Variants in C2CD5 observed in about 807,000 individuals in gnomAD.
The protein encoded by C2CD5 is C2 calcium dependent domain containing 5, also known as C2 domain-containing protein 5.
C2CD5 carries 109 observed loss-of-function variants against 130.3 expected under a neutral mutation model. That is an observed-to-expected ratio of 0.84 (90% CI 0.72 to 0.98). C2CD5 has a LOEUF of 0.98. Among genes scored for constraint, C2CD5 ranks in the 50% least tolerant of loss-of-function variants. The probability of loss-of-function intolerance (pLI) is 0.00; values close to 1 mark genes in which losing one functional copy is unlikely to be tolerated. For synonymous variants in C2CD5, 454 were observed against 429.2 expected, an observed-to-expected ratio of 1.06 and a Z score of -0.71; for missense variants, 996 against 1,261.8, an observed-to-expected ratio of 0.79 and a Z score of 3.19.
intron 20 of C2CD5, 40 bp from the exon 21 acceptor site, chr12:22,470,951 C>G: frequency 7.3e-7 from 1 of 1,364,136 alleles, no homozygotes; most frequent in Non-Finnish European, 1.0e-6. Flanking sequence ...AAAATAATCA[C>G]TGCCAAAACT....
rs930898040 is a variant in C2CD5 at position 22,487,041 on chromosome 12, T to G, written c.1359-2153A>C. On this transcript the variant is annotated intron_variant, in intron 12 of 26. Transcript: ENST00000446597. Reference sequence around the variant, plus strand: ...AATTGGATCCCTTCCTTACACCTTATACAAAAATTAATTTAAGATGGATTA... The same window carrying G: ...AATTGGATCCCTTCCTTACACCTTAGACAAAAATTAATTTAAGATGGATTA... Among the ~76,000 whole-genome samples, 13 of 152,260 alleles carry G rather than the reference T, an allele frequency of 8.5e-5. 1 individual carries two copies. In the South Asian group the frequency reaches 2.3e-3, roughly 27 times the overall value.
intron 9 of C2CD5, among the ~76,000 whole-genome samples, chr12:22,512,192 A>G (rs1472782674): frequency 6.6e-6 from 1 of 152,218 alleles, no homozygotes; most frequent in Non-Finnish European, 1.5e-5. Context: ...TTCTCTAGGT[A>G]AACAGTGCAT....
intron 22 of C2CD5, among the ~76,000 whole-genome samples, chr12:22,469,366 T>G (rs192162092): frequency 3.7e-4 from 57 of 152,240 alleles, no homozygotes; most frequent in African/African-American, 1.2e-3. Flanking sequence ...GTTTAATTGT[T>G]GCTGGAAAAA....
Position 22,524,488 on chromosome 12 carries a change from GA to G in C2CD5, c.584del (p.Leu195ProfsTer4). On this transcript the variant is annotated frameshift_variant, in exon 6 of 27. Coordinates refer to ENST00000446597, the MANE Select transcript of C2CD5 (RefSeq NM_001286176.2). LOFTEE classifies it high-confidence loss of function. The part of the protein sequence containing the change: ...PRASNEARQR[L>X]ISLMSGELQR... ...TTTAAATACCTGACATTAACGAAAT[GA>G]GTCTCTGTCTGGCCTCATTTGATGC... 1 of 1,613,404 alleles carries G rather than the reference GA, an allele frequency of 6.2e-7. No homozygotes were observed. Among genetic ancestry groups the G allele is most frequent in the East Asian group, 2.2e-5 (1 of 44,870 alleles).
chr12:22,510,437 T>C (rs1055292590), intron 9 of C2CD5, among the ~76,000 whole-genome samples: 1 of 152,202 alleles, frequency 6.6e-6, no homozygotes. Flanking sequence ...ACAGGTTAGT[T>C]GAAAAATCAT....
intron 15 of C2CD5, among the ~76,000 whole-genome samples, chr12:22,476,354 G>A (rs1943835814): frequency 6.6e-6 from 1 of 152,072 alleles, no homozygotes; most frequent in Non-Finnish European, 1.5e-5. Flanking sequence ...AATGCTGAGA[G>A]ATTATGCTAA....
intron 12 of C2CD5, among the ~76,000 whole-genome samples, chr12:22,489,657 T>C (rs1946081538): frequency 6.6e-6 from 1 of 152,130 alleles, no homozygotes; most frequent in Non-Finnish European, 1.5e-5. Flanking sequence ...ACCAATTCCC[T>C]ATGGACACGG....
Position 22,471,985 on chromosome 12 carries a change from G to C in C2CD5, c.2250C>G (p.Leu750=), listed in dbSNP as rs774557724. The part of the protein sequence containing the change: ...NQALNKNFND[L]CENLLKSLYF... ...TTCCTACCTTGAGCAAATTTTCACAGAGATCATTAAAGTTCTTATTGAGAG... is the reference window on the plus strand; with the variant it reads ...TTCCTACCTTGAGCAAATTTTCACACAGATCATTAAAGTTCTTATTGAGAG... The change falls in exon 19 of 27, where the codon CTC becomes CTG. Residue 750 remains leucine (L), a synonymous_variant. Coordinates refer to ENST00000446597, the MANE Select transcript of C2CD5 (RefSeq NM_001286176.2). 6.2e-7 allele frequency: 1 copy of C among 1,603,572 alleles called. No individual in the cohort carries two copies. Among genetic ancestry groups the C allele is most frequent in the Non-Finnish European group, 8.5e-7 (1 of 1,171,110 alleles).
intron 24 of C2CD5, among the ~76,000 whole-genome samples, chr12:22,458,208 C>T (rs79582882): frequency 0.021 from 3,152 of 152,210 alleles, 116 homozygotes; most frequent in African/African-American, 0.069. Flanking sequence ...TGGCAATTTA[C>T]TTCCAATTAG....
At chr12:22,464,091 A>T (rs1279627726) in intron 22 of C2CD5, among the ~76,000 whole-genome samples, 3 of 152,192 alleles carry the variant, frequency 2.0e-5, no homozygotes, top group African/African-American at 4.8e-5. Flanking sequence ...ATACTCAAAT[A>T]TTGATGAATT....
In C2CD5 at chr12:22,448,646, C is replaced by A. The variant is rs921989125; in HGVS notation, c.*1114G>T. The A allele has an allele frequency of 8.5e-5, 13 of 152,308 alleles. No individual in the cohort carries two copies. The highest frequency in any genetic ancestry group is 3.1e-4 in the African/African-American group (13 of 41,374). 9.4% of individuals were successfully genotyped at this position (152,308 alleles called of 1,614,324 possible). A position where few individuals can be genotyped will look rare whatever the true frequency, so the allele number is the denominator to read the frequency against. ...TAAACAAAATACAGAAAAATATTGACACCTGTGATAACAAGGAAATGACTC... is the reference window on the plus strand; with the variant it reads ...TAAACAAAATACAGAAAAATATTGAAACCTGTGATAACAAGGAAATGACTC... On this transcript the variant is annotated 3_prime_UTR_variant, in exon 27 of 27. Coordinates refer to ENST00000446597, the MANE Select transcript of C2CD5 (RefSeq NM_001286176.2).
At chr12:22,540,812 T>A (rs1952300231) in intron 2 of C2CD5, among the ~76,000 whole-genome samples, 2 of 152,150 alleles carry the variant, frequency 1.3e-5, no homozygotes, top group Non-Finnish European at 2.9e-5. Context: ...TGAGCCAAGA[T>A]CGTGCCACTA....
chr12:22,509,049 TGTATTTTTTTA>T (rs1389785168), intron 9 of C2CD5, among the ~76,000 whole-genome samples: 1 of 151,696 alleles, frequency 6.6e-6, no homozygotes, highest in Non-Finnish European at 1.5e-5. Context: ...GCTAATTTTT[TGTATTTTTTTA>T]GTAGAGACGG....
chr12:22,503,246 A>C (rs745498780), intron 10 of C2CD5, among the ~76,000 whole-genome samples: 85 of 152,320 alleles, frequency 5.6e-4, no homozygotes, highest in Non-Finnish European at 1.3e-4. Context: ...GAATGCAAAC[A>C]CAACATTTTT....
At chr12:22,497,092 C>T (rs1947114013) in intron 10 of C2CD5, among the ~76,000 whole-genome samples, 1 of 152,100 alleles carries the variant, frequency 6.6e-6, no homozygotes, top group Admixed American at 6.6e-5. Flanking sequence ...GGCTATCATA[C>T]ACTTGGCAAT....
chr12:22,520,418 T>C (rs1786914433), intron 7 of C2CD5, among the ~76,000 whole-genome samples: 1 of 152,140 alleles, frequency 6.6e-6, no homozygotes, highest in African/African-American at 2.4e-5. Flanking sequence ...TAATAGTCCT[T>C]CCTAAGGTCT....
At chr12:22,537,065 G>A (rs903704753) in intron 2 of C2CD5, among the ~76,000 whole-genome samples, 3 of 152,256 alleles carry the variant, frequency 2.0e-5, no homozygotes, top group African/African-American at 7.2e-5. Flanking sequence ...ATATACTTAA[G>A]GGTTTTGGCT....
At position 22,505,744 on chromosome 12, in the gene C2CD5, C is replaced by T. The variant is rs544146957; in HGVS notation, c.1147+967G>A. 3.9e-5 allele frequency among the ~76,000 whole-genome samples: 6 copies of T among 152,170 alleles called. No homozygotes were observed. In the East Asian group the frequency reaches 1.2e-3, roughly 29 times the overall value. ...GCCTGAATCCAGTGGGACTTTGATG[C>T]CTACTCGCTTTTATAATTATGGTCC... On this transcript the variant is annotated intron_variant, in intron 10 of 26. Transcript: ENST00000446597.
At chr12:22,493,135 T>A in intron 11 of C2CD5, 88 bp downstream of exon 11, 1 of 748,452 alleles carries the variant, frequency 1.3e-6, no homozygotes. Context: ...TTCGCTATTC[T>A]CTTTTCTTTT....
Sources: allele counts gnomAD v4.1 joint callset (sites outside exome capture counted in the v4.1 genomes callset), GRCh38; gene constraint gnomAD v4.1.1; transcripts MANE v1.5; gene names NCBI Gene and HGNC (gene_info 2026-07-23, HGNC 2026-07-21).